The following GRIK3 variants were observed in gnomAD, a reference collection of about 807,000 sequenced individuals.
GRIK3 encodes the protein glutamate ionotropic receptor kainate type subunit 3, also known as glutamate receptor ionotropic, kainate 3.
Under a neutral mutation model 102.5 loss-of-function variants are expected in GRIK3, and 29 were observed. That is an observed-to-expected ratio of 0.28 (90% confidence interval 0.21 to 0.39). GRIK3 has a LOEUF of 0.39. Ranked by LOEUF, GRIK3 falls within the 10% of genes least tolerant of loss-of-function variation. The pLI is 1.00. For synonymous variants in GRIK3, 511 were observed against 504.9 expected (o/e 1.01, Z -0.16); for missense variants, 908 against 1,252.4 (o/e 0.73, Z 4.15).
At chr1:36,885,135 G>A (rs1641024009) in intron 2 of GRIK3, among the ~76,000 whole-genome samples, 1 of 152,242 alleles carries the variant, frequency 6.6e-6, no homozygotes, top group Admixed American at 6.5e-5. Flanking sequence ...TCATGTTGAT[G>A]TTGTGATAGT....
At chr1:36,846,596 G>A (rs1257343912) in intron 9 of GRIK3, among the ~76,000 whole-genome samples, 3 of 152,200 alleles carry the variant, frequency 2.0e-5, no homozygotes, top group Admixed American at 6.5e-5. Context: ...GACAGGCTGG[G>A]GCTGTGCTCT....
At chr1:37,031,009 G>A (rs1557470270) in intron 1 of GRIK3, among the ~76,000 whole-genome samples, 1 of 152,112 alleles carries the variant, frequency 6.6e-6, no homozygotes, top group African/African-American at 2.4e-5. Flanking sequence ...TTGGGGTCAG[G>A]TAACCTGGAA....
At chr1:36,991,589 C>A (rs1642363823) in intron 1 of GRIK3, among the ~76,000 whole-genome samples, 1 of 152,222 alleles carries the variant, frequency 6.6e-6, no homozygotes, top group Admixed American at 6.5e-5. Context: ...CTACCACAGG[C>A]CACACCACCA....
At chr1:36,912,657 G>T (rs1266116400) in intron 1 of GRIK3, among the ~76,000 whole-genome samples, 2 of 152,040 alleles carry the variant, frequency 1.3e-5, no homozygotes, top group African/African-American at 2.4e-5. Context: ...CTCACACATG[G>T]TGGGGGGCTG....
At chr1:36,935,954 G>T (rs1641653229) in intron 1 of GRIK3, among the ~76,000 whole-genome samples, 1 of 152,148 alleles carries the variant, frequency 6.6e-6, no homozygotes. Context: ...AGATGCTGTT[G>T]CCATGCACTT....
At chr1:36,966,464 C>T (rs74788601) in intron 1 of GRIK3, among the ~76,000 whole-genome samples, 1,904 of 152,236 alleles carry the variant, frequency 0.013, 35 homozygotes, top group African/African-American at 0.042. Context: ...AGGTCAGCAC[C>T]AGGGACAGCT....
intron 1 of GRIK3, among the ~76,000 whole-genome samples, chr1:36,927,010 C>T (rs532413819): frequency 9.0e-4 from 137 of 152,310 alleles, no homozygotes; most frequent in African/African-American, 3.1e-3. Flanking sequence ...TTTCCCTTCC[C>T]CAGGTACTGC....
chr1:36,842,072 C>T, intron 9 of GRIK3, 133 bp from the exon 10 acceptor site: 1 of 739,440 alleles, frequency 1.4e-6, no homozygotes, highest in South Asian at 1.6e-5. Context: ...GACAAAGGGC[C>T]CGTGAAGTCA....
chr1:37,031,881 C>T (rs545498), intron 1 of GRIK3, among the ~76,000 whole-genome samples: 26,444 of 152,170 alleles, frequency 0.17, 3,273 homozygotes, highest in African/African-American at 0.34. Context: ...AACTCAGCTC[C>T]CCAGGAGTCT....
chr1:36,804,828 G>C (rs1642480067), intron 15 of GRIK3, 159 bp downstream of exon 15: 1 of 930,324 alleles, frequency 1.1e-6, no homozygotes, highest in Non-Finnish European at 1.6e-6. Flanking sequence ...GCCAGGTCAG[G>C]ACAGAGGTAG....
In GRIK3 at chr1:36,856,270, C is replaced by T. The variant is rs1348263940; in HGVS notation, c.1105-2548G>A. Among the ~76,000 whole-genome samples, 2 of 152,170 alleles carry T rather than the reference C, an allele frequency of 1.3e-5. 1 individual carries two copies. Among genetic ancestry groups the T allele is most frequent in the Admixed American group, 1.3e-4 (2 of 15,282 alleles). ...AACCTGCACTGTGAGGGAAGCCTTC[C>T]TGCCTGTCAGCTACAGAGGTATAAA... is the stretch of plus-strand genomic sequence containing the variant. On this transcript the variant is annotated intron_variant, in intron 7 of 15. Coordinates refer to ENST00000373091, the MANE Select transcript of GRIK3 (RefSeq NM_000831.4).
At chr1:36,847,483 G>A (rs1049814621) in intron 9 of GRIK3, among the ~76,000 whole-genome samples, 1 of 152,252 alleles carries the variant, frequency 6.6e-6, no homozygotes, top group African/African-American at 2.4e-5. Flanking sequence ...GGTCTTTGGT[G>A]AAGTTCAGGG....
At chr1:36,981,899 G>A (rs1019168328) in intron 1 of GRIK3, among the ~76,000 whole-genome samples, 7 of 152,178 alleles carry the variant, frequency 4.6e-5, no homozygotes, top group Non-Finnish European at 7.3e-5. Flanking sequence ...GAGGAGCAGC[G>A]CCCCAGCTGA....
chr1:36,903,113 G>T (rs1483167526), intron 1 of GRIK3, among the ~76,000 whole-genome samples: 5 of 152,154 alleles, frequency 3.3e-5, no homozygotes, highest in Non-Finnish European at 5.9e-5. Flanking sequence ...TCCAACATAT[G>T]CAAACCACTT....
intron 1 of GRIK3, among the ~76,000 whole-genome samples, chr1:36,952,318 A>C (rs1412465632): frequency 6.6e-6 from 1 of 152,128 alleles, no homozygotes; most frequent in Non-Finnish European, 1.5e-5. Context: ...CTGAGCTGTC[A>C]TCCAGGCAGC....
intron 10 of GRIK3, among the ~76,000 whole-genome samples, chr1:36,838,783 T>C (rs973817027): frequency 7.9e-5 from 12 of 152,220 alleles, no homozygotes; most frequent in Non-Finnish European, 1.5e-5. Flanking sequence ...GCATGCTTTC[T>C]ATGGGCTAGT....
chr1:37,013,008 G>A (rs770108774), intron 1 of GRIK3, among the ~76,000 whole-genome samples: 11 of 152,158 alleles, frequency 7.2e-5, no homozygotes, highest in Non-Finnish European at 1.6e-4. Flanking sequence ...ACACATACCC[G>A]AGACTGGGTA....
intron 1 of GRIK3, among the ~76,000 whole-genome samples, chr1:37,030,623 G>A (rs545647702): frequency 3.4e-5 from 5 of 146,844 alleles, no homozygotes; most frequent in Admixed American, 7.2e-5. Context: ...GCTGGAGATC[G>A]CCACCATCCA....
intron 1 of GRIK3, among the ~76,000 whole-genome samples, chr1:36,974,926 T>C (rs1361369873): frequency 2.6e-5 from 4 of 152,126 alleles, no homozygotes; most frequent in Admixed American, 6.5e-5. Flanking sequence ...ATTCCACCTA[T>C]ATGAGGTACC....
Sources: gnomAD v4.1 joint callset for allele counts (sites outside exome capture counted in the v4.1 genomes callset) on GRCh38, gnomAD v4.1.1 for gene constraint, MANE v1.5 for transcripts, NCBI Gene and HGNC (gene_info 2026-07-23, HGNC 2026-07-21) for gene names.